The following STYK1 variants were observed in gnomAD, a reference collection of about 807,000 sequenced individuals.
STYK1 encodes tyrosine-protein kinase STYK1.
In STYK1, 46 loss-of-function variants were observed where a neutral mutation model predicts 48.1. The observed-to-expected ratio is 0.96, with a 90% CI of 0.75 to 1.22. The LOEUF (loss-of-function observed/expected upper bound fraction) is 1.22. Among genes scored for constraint, STYK1 ranks in the 50% most tolerant of loss-of-function variants. The pLI is 0.00. For synonymous variants in STYK1, 188 were observed against 189.0 expected, an observed-to-expected ratio of 0.99 and a Z score of 0.04; for missense variants, 527 against 521.1, an observed-to-expected ratio of 1.01 and a Z score of -0.11.
chr12:10,636,560 T>G (rs1473374958), intron 2 of STYK1, among the ~76,000 whole-genome samples: 1 of 152,142 alleles, frequency 6.6e-6, no homozygotes, highest in East Asian at 1.9e-4. Flanking sequence ...TGATGAAACT[T>G]TCAAAAAACA....
intron 1 of STYK1, among the ~76,000 whole-genome samples, chr12:10,656,661 A>G (rs1441576099): frequency 6.6e-6 from 1 of 152,082 alleles, no homozygotes; most frequent in African/African-American, 2.4e-5. Flanking sequence ...AAAACAAGGG[A>G]TTAATACAAT....
In STYK1 at chr12:10,634,341, C is replaced by T. The variant is rs77456100; in HGVS notation, c.53-217G>A. Among the ~76,000 whole-genome samples the T allele has an allele frequency of 8.7e-3, 1,321 of 152,250 alleles. 16 individuals carry two copies. The highest frequency in any genetic ancestry group is 0.03 in the African/African-American group (1,245 of 41,542). ...TTCTTAGCCCATCAAATGTGCATGACGTTGCTTCTGGCAGTTTCTTACCAA... is the reference window on the plus strand; with the variant it reads ...TTCTTAGCCCATCAAATGTGCATGATGTTGCTTCTGGCAGTTTCTTACCAA... On this transcript the variant is annotated intron_variant, in intron 3 of 10. Coordinates refer to ENST00000075503, the MANE Select transcript of STYK1 (RefSeq NM_018423.3).
At chr12:10,639,191 A>G (rs1947517477) in intron 1 of STYK1, among the ~76,000 whole-genome samples, 1 of 152,224 alleles carries the variant, frequency 6.6e-6, no homozygotes, top group African/African-American at 2.4e-5. Context: ...TGGGCTGAAT[A>G]TATTAATTTG....
chr12:10,672,378 G>C lies in STYK1; in HGVS notation c.-195+1588C>G, dbSNP rs1314038818. On this transcript the variant is annotated intron_variant, in intron 1 of 10. Coordinates refer to ENST00000075503, the MANE Select transcript of STYK1 (RefSeq NM_018423.3). The surrounding 1 kb of genome is among the most constrained non-coding windows in gnomAD (Gnocchi z 4.0). ...CTCCTCCTCCTGTCAGATAAGCCAC[G>C]ACATTAGATTTTCTTTCTTTTTCTT... is the stretch of plus-strand genomic sequence containing the variant. Among the ~76,000 whole-genome samples, 1 of 152,118 alleles carries C rather than the reference G, an allele frequency of 6.6e-6. No homozygotes were observed. The highest frequency in any genetic ancestry group is 1.5e-5 in the Non-Finnish European group (1 of 68,038).
intron 5 of STYK1, 120 bp downstream of exon 5, chr12:10,630,925 A>G (rs1027379229): frequency 7.5e-7 from 1 of 1,334,736 alleles, no homozygotes; most frequent in East Asian, 2.3e-5. Context: ...TTTCCACTCT[A>G]TTACCTTCTT....
Position 10,672,699 on chromosome 12 carries a change from T to C in STYK1, c.-195+1267A>G, listed in dbSNP as rs1049195812. ...ACCTCATCGGCATCTGTGAAAAAAA[T>C]TGTCTTCCACAAAATCAGTCCCTGG... On this transcript the variant is annotated intron_variant, in intron 1 of 10. Transcript: ENST00000075503. This position sits in a 1 kb window ranked among gnomAD's most constrained non-coding sequence, Gnocchi z 4.0. Among the ~76,000 whole-genome samples, 3 of 152,104 alleles carry C rather than the reference T, an allele frequency of 2.0e-5. No homozygotes were observed. Among genetic ancestry groups the C allele is most frequent in the Admixed American group, 6.5e-5 (1 of 15,278 alleles).
intron 1 of STYK1, among the ~76,000 whole-genome samples, chr12:10,665,525 T>A (rs935946867): frequency 6.6e-5 from 10 of 152,198 alleles, no homozygotes; most frequent in Non-Finnish European, 5.9e-5. Context: ...CCACCCTTCA[T>A]AAGGCTGACT....
At chr12:10,638,567 G>A (rs186298811) in intron 1 of STYK1, among the ~76,000 whole-genome samples, 138 of 152,290 alleles carry the variant, frequency 9.1e-4, no homozygotes, top group Admixed American at 2.0e-3. Context: ...TACAAGCATA[G>A]TGTCACACTG....
Position 10,662,211 on chromosome 12 carries a change from G to A in STYK1, c.-195+11755C>T, listed in dbSNP as rs147246295. Among the ~76,000 whole-genome samples the A allele has an allele frequency of 2.2e-3, 324 of 150,350 alleles. 1 individual carries two copies. Among genetic ancestry groups the A allele is most frequent in the African/African-American group, 7.7e-3 (314 of 41,042 alleles). On this transcript the variant is annotated intron_variant, in intron 1 of 10. Coordinates refer to ENST00000075503, the MANE Select transcript of STYK1 (RefSeq NM_018423.3). ...GAATGAGAACTTCGTTCCTTTTTGAGGCTAAATAATATTGCATTGTATGGA... is the reference window on the plus strand; with the variant it reads ...GAATGAGAACTTCGTTCCTTTTTGAAGCTAAATAATATTGCATTGTATGGA...
intron 4 of STYK1, among the ~76,000 whole-genome samples, chr12:10,632,016 G>C (rs974442827): frequency 4.6e-5 from 7 of 152,230 alleles, no homozygotes; most frequent in African/African-American, 1.4e-4. Flanking sequence ...GAGGAAGCAG[G>C]TAATAATATA....
rs533609975 is a variant in STYK1 at position 10,628,929 on chromosome 12, T to C, written c.633+564A>G. Among the ~76,000 whole-genome samples, 191 of 152,280 alleles carry C rather than the reference T, an allele frequency of 1.3e-3. 2 individuals are homozygous for C. Among genetic ancestry groups the C allele is most frequent in the African/African-American group, 4.4e-3 (182 of 41,578 alleles). On this transcript the variant is annotated intron_variant, in intron 6 of 10. Coordinates refer to ENST00000075503, the MANE Select transcript of STYK1 (RefSeq NM_018423.3). ...TACTCATATAAAGATAATTGTTATATATAAACAATATAAAGATAATTGTTA... is the reference window on the plus strand; with the variant it reads ...TACTCATATAAAGATAATTGTTATACATAAACAATATAAAGATAATTGTTA...
At chr12:10,660,433 C>G (rs918610520) in intron 1 of STYK1, among the ~76,000 whole-genome samples, 11 of 152,122 alleles carry the variant, frequency 7.2e-5, no homozygotes, top group African/African-American at 2.7e-4. Context: ...CTCTACAACC[C>G]TTAGGATTAA....
chr12:10,652,804 T>C (rs1947676201), intron 1 of STYK1, among the ~76,000 whole-genome samples: 1 of 152,196 alleles, frequency 6.6e-6, no homozygotes, highest in Admixed American at 6.5e-5. Flanking sequence ...AAATGAACTT[T>C]AGAATAATGC....
intron 1 of STYK1, among the ~76,000 whole-genome samples, chr12:10,669,728 T>C (rs113857394): frequency 6.6e-5 from 10 of 152,116 alleles, no homozygotes; most frequent in African/African-American, 2.4e-4. Flanking sequence ...TGAGAAGTGA[T>C]TAATATCCGG....
chr12:10,630,585 G>A (rs1007666443), intron 5 of STYK1, among the ~76,000 whole-genome samples: 14 of 150,062 alleles, frequency 9.3e-5, no homozygotes, highest in Non-Finnish European at 2.1e-4. Context: ...ATGCAAAGAT[G>A]TTTTAACATA....
rs538592202 is a variant in STYK1, at chr12:10,630,986, G to T, written c.451+59C>A. The stretch of plus-strand genomic sequence containing the variant: ...TCTGTTAGTTAACATCTCAATGTTC[G>T]CAAAGCCTGTTAATATTTACTGTTA... On this transcript the variant is annotated intron_variant, in intron 5 of 10. Coordinates refer to ENST00000075503, the MANE Select transcript of STYK1 (RefSeq NM_018423.3). 128 of 1,586,588 alleles carry T rather than the reference G, an allele frequency of 8.1e-5. No individual in the cohort carries two copies. The Middle Eastern group carries it at 8.8e-4, about 11-fold the overall frequency.
chr12:10,633,369 A>G (rs188908932), intron 4 of STYK1, among the ~76,000 whole-genome samples: 9 of 152,346 alleles, frequency 5.9e-5, no homozygotes, highest in Middle Eastern at 3.4e-3. Flanking sequence ...AAAGTGAAGT[A>G]TAAGACTATT....
intron 7 of STYK1, 138 bp from the exon 8 acceptor site, chr12:10,624,997 C>G: frequency 1.4e-6 from 1 of 694,970 alleles, no homozygotes; most frequent in South Asian, 1.7e-5. Context: ...AATGATATGT[C>G]ACTTCCAAAG....
chr12:10,656,798 C>T (rs996706636), intron 1 of STYK1, among the ~76,000 whole-genome samples: 1 of 152,086 alleles, frequency 6.6e-6, no homozygotes, highest in African/African-American at 2.4e-5. Flanking sequence ...TGGAAAAAAG[C>T]CTCTGTTTTC....
Sources: allele counts gnomAD v4.1 joint callset (sites outside exome capture counted in the v4.1 genomes callset), GRCh38; gene constraint gnomAD v4.1.1; non-coding constraint Gnocchi (gnomAD v3.1); transcripts MANE v1.5; gene names NCBI Gene and HGNC (gene_info 2026-07-23, HGNC 2026-07-21).